BUD13: variants seen among roughly 807,000 people sequenced by gnomAD.
The protein encoded by BUD13 is BUD13 spliceosome associated protein, also known as BUD13 homolog.
BUD13 carries 47 observed loss-of-function variants against 62.5 expected under a neutral mutation model. That is an observed-to-expected ratio of 0.75 (90% confidence interval 0.60 to 0.96). BUD13 has a LOEUF of 0.96. Among genes scored for constraint, BUD13 ranks in the 40% least tolerant of loss-of-function variants. BUD13 has a pLI of 0.00. For synonymous variants in BUD13, 293 were observed against 280.1 expected (o/e 1.05, Z -0.46); for missense variants, 821 against 790.9 (o/e 1.04, Z -0.46).
chr11:116,764,233 C>T (rs1940489053), intron 3 of BUD13, among the ~76,000 whole-genome samples: 1 of 152,210 alleles, frequency 6.6e-6, no homozygotes, highest in African/African-American at 2.4e-5. Context: ...TATTTCTTGT[C>T]ATTGAGCTCC....
Position 116,762,735 on chromosome 11 carries a change from G to A in BUD13, c.854C>T (p.Thr285Ile), listed in dbSNP as rs1268905868. 4 of 1,614,162 alleles carry A rather than the reference G, an allele frequency of 2.5e-6. No individual in the cohort carries two copies. The highest frequency in any genetic ancestry group is 2.2e-5 in the East Asian group (1 of 44,878). Residue 285 changes from threonine (T) to isoleucine (I), a missense_variant, in exon 4 of 10, where the codon ACC becomes ATC. Physicochemically the swap from Thr to Ile is moderately conservative, Grantham distance 89 (BLOSUM62 -1). Around this residue, in one of 2 missense-constraint regions of BUD13, gnomAD observed 800 missense variants for 739.2 expected, o/e 1.08. Coordinates refer to ENST00000260210, the MANE Select transcript of BUD13 (RefSeq NM_032725.4). ...APNVTYSLPR[T>I]KSGKAPERAS... ...TCTTTCTGGGGCTTTACCACTTTTG[G>A]TTCTGGGCAGGGAATAAGTGACATT...
At chr11:116,752,961 A>C (rs1940264026) in intron 9 of BUD13, among the ~76,000 whole-genome samples, 1 of 152,196 alleles carries the variant, frequency 6.6e-6, no homozygotes, top group Non-Finnish European at 1.5e-5. Flanking sequence ...CGAGGGACAG[A>C]AGACAACGCC....
At chr11:116,757,696 C>T in intron 8 of BUD13, 70 bp downstream of exon 8, 2 of 1,428,102 alleles carry the variant, frequency 1.4e-6, no homozygotes, top group Non-Finnish European at 1.9e-6. Context: ...TTGCATATAG[C>T]TATGTATCAG....
At chr11:116,761,439 T>C (rs1293425080) in intron 4 of BUD13, among the ~76,000 whole-genome samples, 4 of 152,200 alleles carry the variant, frequency 2.6e-5, no homozygotes, top group Non-Finnish European at 4.4e-5. Context: ...TATGAAGAAT[T>C]ATCATTAACC....
rs1226923234 is a variant in BUD13 at position 116,772,899 on chromosome 11, G to T, written c.66C>A (p.Ala22=). Residue 22 remains alanine, a synonymous_variant, in exon 1 of 10, where the codon GCC becomes GCA. Coordinates refer to ENST00000260210, the MANE Select transcript of BUD13 (RefSeq NM_032725.4). ...YLKRYLSGAD[A]GVDRGSESGR... is the part of the protein sequence containing the mutation. ...CGGACTCAGATCCCCGGTCGACGCCGGCATCTGCCCCGGACAAGTAACGCT... is the reference window on the plus strand; with the variant it reads ...CGGACTCAGATCCCCGGTCGACGCCTGCATCTGCCCCGGACAAGTAACGCT... 2 of 1,589,586 alleles carry T rather than the reference G, an allele frequency of 1.3e-6. No homozygotes were observed. Among genetic ancestry groups the T allele is most frequent in the African/African-American group, 2.7e-5 (2 of 73,320 alleles).
chr11:116,750,245 A>C (rs1940209673), intron 9 of BUD13, among the ~76,000 whole-genome samples: 2 of 152,232 alleles, frequency 1.3e-5, no homozygotes, highest in South Asian at 4.1e-4. Context: ...GTGGCCAAGA[A>C]TGATCAGAGA....
chr11:116,767,959 C>G (rs766729687), intron 2 of BUD13, among the ~76,000 whole-genome samples: 5 of 146,678 alleles, frequency 3.4e-5, no homozygotes, highest in African/African-American at 1.3e-4. Context: ...GGCAACAGAG[C>G]AAGACCCTGT....
chr11:116,766,235 C>T (rs942405643), intron 2 of BUD13, among the ~76,000 whole-genome samples: 5 of 152,194 alleles, frequency 3.3e-5, no homozygotes, highest in African/African-American at 4.8e-5. Flanking sequence ...TACAGAGTAG[C>T]AACTATGTGC....
Position 116,748,245 on chromosome 11 carries a change from T to G in BUD13, c.*237A>C. On this transcript the variant is annotated 3_prime_UTR_variant, in exon 10 of 10. Transcript: ENST00000260210. ...CCTACCAAGAACAAACCCTGGTCAATGAGAAATCAATGCTTCCTCTGAAAG... is the reference window on the plus strand; with the variant it reads ...CCTACCAAGAACAAACCCTGGTCAAGGAGAAATCAATGCTTCCTCTGAAAG... The G allele has an allele frequency of 2.1e-6, 1 of 470,030 alleles. No homozygotes were observed. 29.1% of individuals were successfully genotyped at this position (470,030 alleles called of 1,614,324 possible). A position where few individuals can be genotyped will look rare whatever the true frequency, so the allele number is the denominator to read the frequency against.
In BUD13 at chr11:116,770,181, G is replaced by A. The variant is rs1940598853; in HGVS notation, c.185C>T (p.Ser62Phe). The change falls in exon 2 of 10, where the codon TCC becomes TTC. Residue 62 changes from serine (S) to phenylalanine (F), a missense_variant. By Grantham distance (155) the Ser-to-Phe change is radical (BLOSUM62 -2). Around this residue, in one of 2 missense-constraint regions of BUD13, gnomAD observed 800 missense variants for 739.2 expected, o/e 1.08. Transcript: ENST00000260210. Reference sequence around the variant, plus strand: ...TTCCTCCTTTTCTAGTTTGGTTGTGGAGATAGCTGTCCAGCTCACATCATC... The same window carrying A: ...TTCCTCCTTTTCTAGTTTGGTTGTGAAGATAGCTGTCCAGCTCACATCATC... ...VDDDVSWTAISTTKLEKEEEE... is the reference protein window; with the variant it reads ...VDDDVSWTAIFTTKLEKEEEE... 6.2e-7 allele frequency: 1 copy of A among 1,613,566 alleles called. No homozygotes were observed. Among genetic ancestry groups the A allele is most frequent in the African/African-American group, 1.3e-5 (1 of 74,858 alleles).
chr11:116,768,595 CAACA>C (rs1940571554), intron 2 of BUD13, among the ~76,000 whole-genome samples: 1 of 151,794 alleles, frequency 6.6e-6, no homozygotes, highest in South Asian at 2.1e-4. Flanking sequence ...TAAAAAAAAA[CAACA>C]AACATTGTTA....
intron 1 of BUD13, among the ~76,000 whole-genome samples, chr11:116,770,427 G>A (rs1031200813): frequency 3.3e-5 from 5 of 152,006 alleles, no homozygotes; most frequent in African/African-American, 1.2e-4. Flanking sequence ...AAGGAGCCAA[G>A]TTCCTATCAC....
Position 116,768,386 on chromosome 11 carries a change from C to G in BUD13, c.237+1743G>C, listed in dbSNP as rs907594380. Among the ~76,000 whole-genome samples the G allele has an allele frequency of 4.6e-5, 7 of 152,156 alleles. No individual in the cohort carries two copies. The East Asian group carries it at 5.8e-4, about 13-fold the overall frequency. ...GGAGTAGACTCCAAAACCCTATGTA[C>G]AATATGATCCCAATTATGTTCAAAA... is the stretch of plus-strand genomic sequence containing the variant. On this transcript the variant is annotated intron_variant, in intron 2 of 9. Coordinates refer to ENST00000260210, the MANE Select transcript of BUD13 (RefSeq NM_032725.4).
In BUD13 at chr11:116,760,744, A is replaced by T; in HGVS notation, c.1245T>A (p.Pro415=). 2 of 1,614,160 alleles carry T rather than the reference A, an allele frequency of 1.2e-6. No individual in the cohort carries two copies. Among genetic ancestry groups the T allele is most frequent in the Non-Finnish European group, 8.5e-7 (1 of 1,179,996 alleles). Residue 415 remains proline, a synonymous_variant, in exon 5 of 10, where the codon CCT becomes CCA. Coordinates refer to ENST00000260210, the MANE Select transcript of BUD13 (RefSeq NM_032725.4). ...TCCTGAAAATCCTGACCTTCTTTCC[A>T]GGAGGCTGACTCCTTCGAGGCGGGG... ...DLSPPRRSQP[P]GKKAAHMYSG... is the part of the protein sequence containing the mutation.
At chr11:116,760,081 T>C (rs1285323826) in intron 5 of BUD13, among the ~76,000 whole-genome samples, 3 of 152,198 alleles carry the variant, frequency 2.0e-5, no homozygotes, top group African/African-American at 2.4e-5. Context: ...AAACAAACCA[T>C]TGACTTCTCA....
chr11:116,752,006 C>T (rs55713675), intron 9 of BUD13, among the ~76,000 whole-genome samples: 15,395 of 152,164 alleles, frequency 0.1, 995 homozygotes, highest in African/African-American at 0.18. Flanking sequence ...TGCAGTGGCA[C>T]GATCTCGGCT....
intron 9 of BUD13, among the ~76,000 whole-genome samples, chr11:116,752,389 A>G (rs1940252087): frequency 6.6e-6 from 1 of 152,186 alleles, no homozygotes; most frequent in African/African-American, 2.4e-5. Context: ...TGAATAACAA[A>G]AAGAAAGCAA....
rs773840463 is a variant in BUD13 at position 116,762,769 on chromosome 11, A to C, written c.820T>G (p.Leu274Val). The change falls in exon 4 of 10, where the codon TTG becomes GTG. Residue 274 changes from leucine to valine, a missense_variant. Physicochemically the swap from Leu to Val is conservative, Grantham distance 32 (BLOSUM62 1). Transcript: ENST00000260210. ...LRRARHDSPD[L>V]APNVTYSLPR... is the part of the protein sequence containing the mutation. ...AGGGAATAAGTGACATTAGGAGCCA[A>C]ATCAGGGGAGTCATGACGGGCCCTT... 3.2e-5 allele frequency: 51 copies of C among 1,614,050 alleles called. No individual in the cohort carries two copies. The Admixed American group carries it at 4.5e-4, about 14-fold the overall frequency.
chr11:116,767,327 C>T (rs1412965088), intron 2 of BUD13, among the ~76,000 whole-genome samples: 2 of 151,994 alleles, frequency 1.3e-5, no homozygotes, highest in African/African-American at 2.4e-5. Context: ...GGCACGGTGG[C>T]TCACGTCTGT....
Sources: allele counts gnomAD v4.1 joint callset (sites outside exome capture counted in the v4.1 genomes callset), GRCh38; gene constraint gnomAD v4.1.1; regional missense constraint gnomAD v4.1.1; transcripts MANE v1.5; gene names NCBI Gene and HGNC (gene_info 2026-07-23, HGNC 2026-07-21).